FANCC: variants seen among roughly 807,000 people sequenced by gnomAD.
FANCC encodes FA complementation group C.
FANCC carries 55 observed loss-of-function variants against 71.3 expected under a neutral mutation model. That is an observed-to-expected ratio of 0.77 (90% confidence interval 0.62 to 0.97). The LOEUF is 0.97. FANCC is among the 50% of genes least tolerant of loss of function. The probability of loss-of-function intolerance (pLI) is 0.00; values close to 1 mark genes in which losing one functional copy is unlikely to be tolerated. For synonymous variants in FANCC, 275 were observed against 244.9 expected, an observed-to-expected ratio of 1.12 and a Z score of -1.15; for missense variants, 678 against 670.9, an observed-to-expected ratio of 1.01 and a Z score of -0.12.
At chr9:95,134,131 A>G (rs1273453379) in intron 8 of FANCC, among the ~76,000 whole-genome samples, 3 of 152,220 alleles carry the variant, frequency 2.0e-5, no homozygotes, top group Non-Finnish European at 4.4e-5. Context: ...CAGCACCTGC[A>G]ACCCTATGCA....
chr9:95,160,078 TG>T (rs1193958181), intron 6 of FANCC, among the ~76,000 whole-genome samples: 1 of 152,202 alleles, frequency 6.6e-6, no homozygotes, highest in Non-Finnish European at 1.5e-5. Context: ...TTGCTTTTGG[TG>T]TTTTAGTCAT....
chr9:95,199,957 C>T (rs1016059669), intron 4 of FANCC, among the ~76,000 whole-genome samples: 1 of 152,134 alleles, frequency 6.6e-6, no homozygotes, highest in African/African-American at 2.4e-5. Context: ...ATGATTTATA[C>T]AAGTTAGTAG....
chr9:95,285,569 T>C (rs578127301), intron 1 of FANCC, among the ~76,000 whole-genome samples: 1 of 151,952 alleles, frequency 6.6e-6, no homozygotes, highest in Non-Finnish European at 1.5e-5. Flanking sequence ...AATCAGTGAT[T>C]AAAAAATACT....
chr9:95,143,722 G>A (rs1357830302), intron 7 of FANCC, among the ~76,000 whole-genome samples: 2 of 152,154 alleles, frequency 1.3e-5, no homozygotes, highest in Non-Finnish European at 2.9e-5. Flanking sequence ...GGATTCGGAT[G>A]ACCTCAGAGG....
intron 1 of FANCC, among the ~76,000 whole-genome samples, chr9:95,259,159 T>C (rs747246488): frequency 2.0e-4 from 31 of 152,144 alleles, no homozygotes; most frequent in African/African-American, 5.6e-4. Context: ...TAAGCTACCA[T>C]TGACTTTCTT....
chr9:95,151,201 G>A (rs886558316), intron 6 of FANCC, among the ~76,000 whole-genome samples: 7 of 152,008 alleles, frequency 4.6e-5, no homozygotes, highest in East Asian at 1.9e-4. Context: ...CTCATGGTTC[G>A]CTTCCTCCTC....
At chr9:95,267,667 C>T (rs901136609) in intron 1 of FANCC, among the ~76,000 whole-genome samples, 4 of 152,090 alleles carry the variant, frequency 2.6e-5, no homozygotes, top group African/African-American at 9.7e-5. Flanking sequence ...AAAATCCTAA[C>T]AAAGTATACT....
intron 14 of FANCC, among the ~76,000 whole-genome samples, 186 bp from the exon 15 acceptor site, chr9:95,102,036 G>A (rs1368207091): frequency 6.6e-6 from 1 of 152,204 alleles, no homozygotes; most frequent in Non-Finnish European, 1.5e-5. Flanking sequence ...CTGTCTCCAA[G>A]GCTGGCTACA....
intron 6 of FANCC, among the ~76,000 whole-genome samples, chr9:95,155,821 C>T (rs3780569): frequency 0.022 from 3,395 of 152,010 alleles, 232 homozygotes; most frequent in East Asian, 0.18. Context: ...CAGGCTCAAG[C>T]GATGCTCCCA....
intron 1 of FANCC, among the ~76,000 whole-genome samples, chr9:95,283,801 T>G (rs1833510958): frequency 6.6e-6 from 1 of 152,266 alleles, no homozygotes; most frequent in Non-Finnish European, 1.5e-5. Context: ...CCTGTGCCTC[T>G]TTCTTTTCAT....
chr9:95,100,014 G>A lies in FANCC; in HGVS notation c.*1693C>T. On this transcript the variant is annotated 3_prime_UTR_variant, in exon 15 of 15. Coordinates refer to ENST00000289081, the MANE Select transcript of FANCC (RefSeq NM_000136.3). The stretch of plus-strand genomic sequence containing the variant: ...GGTCCCAGTGGCCCCTCTCTCTAGG[G>A]GTTCCCTGCTGCCACCATGTCCACA... 4.3e-6 allele frequency: 1 copy of A among 232,324 alleles called. No homozygotes were observed. 14.4% of individuals were successfully genotyped at this position (232,324 alleles called of 1,614,324 possible).
At chr9:95,251,597 T>C (rs1831333416) in intron 1 of FANCC, among the ~76,000 whole-genome samples, 1 of 152,184 alleles carries the variant, frequency 6.6e-6, no homozygotes, top group Non-Finnish European at 1.5e-5. Context: ...ATTACAGGCA[T>C]GAGCCACCGT....
At chr9:95,161,982 C>G (rs1341469360) in intron 6 of FANCC, among the ~76,000 whole-genome samples, 1 of 152,090 alleles carries the variant, frequency 6.6e-6, no homozygotes, top group African/African-American at 2.4e-5. Flanking sequence ...GCCAGGATTA[C>G]AGGCACCCGC....
chr9:95,211,858 T>G (rs1306170700), intron 4 of FANCC, among the ~76,000 whole-genome samples: 2 of 130,468 alleles, frequency 1.5e-5, no homozygotes, highest in Non-Finnish European at 3.3e-5. Flanking sequence ...AAATGAATGG[T>G]AAGAAAAAAA....
At position 95,274,944 on chromosome 9, in the gene FANCC, T is replaced by G. The variant is rs2136234192; in HGVS notation, c.-78-25575A>C. The stretch of plus-strand genomic sequence containing the variant: ...TACAAGTTCAGCACAGGACTGGAAT[T>G]AGAACCAGTTCCTCAAGTAATTTTT... On this transcript the variant is annotated intron_variant, in intron 1 of 14. Transcript: ENST00000289081. Among the ~76,000 whole-genome samples, 4 of 152,142 alleles carry G rather than the reference T, an allele frequency of 2.6e-5. 1 individual carries two copies. In the Middle Eastern group the frequency reaches 0.01, roughly 391 times the overall value.
At chr9:95,312,776 G>T (rs1835487545) in intron 1 of FANCC, among the ~76,000 whole-genome samples, 1 of 152,214 alleles carries the variant, frequency 6.6e-6, no homozygotes, top group South Asian at 2.1e-4. Flanking sequence ...TAGGGCTGAG[G>T]TGGGTGCCCT....
chr9:95,302,136 T>G (rs1834784364), intron 1 of FANCC, among the ~76,000 whole-genome samples: 1 of 151,446 alleles, frequency 6.6e-6, no homozygotes, highest in South Asian at 2.1e-4. Context: ...TTCTAAATCA[T>G]TCAGTTTTTA....
chr9:95,262,134 C>T (rs1003099925), intron 1 of FANCC, among the ~76,000 whole-genome samples: 27 of 151,884 alleles, frequency 1.8e-4, no homozygotes, highest in African/African-American at 5.8e-4. Context: ...TCTGAGTCAC[C>T]GAGATAACAT....
intron 3 of FANCC, among the ~76,000 whole-genome samples, chr9:95,243,356 T>C (rs913629645): frequency 1.3e-5 from 2 of 152,208 alleles, no homozygotes; most frequent in Non-Finnish European, 2.9e-5. Context: ...ATTTTGTCTC[T>C]TCTCTTTTCA....
Sources: allele counts gnomAD v4.1 joint callset (sites outside exome capture counted in the v4.1 genomes callset), GRCh38; gene constraint gnomAD v4.1.1; transcripts MANE v1.5; gene names NCBI Gene and HGNC (gene_info 2026-07-23, HGNC 2026-07-21).